The following PTPRT variants were observed in gnomAD, a reference collection of about 807,000 sequenced individuals.
PTPRT encodes receptor-type tyrosine-protein phosphatase T.
A neutral mutation model predicts 176.8 loss-of-function variants in PTPRT; 56 were observed. The observed-to-expected ratio is 0.32, with a 90% CI of 0.26 to 0.40. The LOEUF (loss-of-function observed/expected upper bound fraction) is 0.40. PTPRT is among the 10% of genes least tolerant of loss of function. PTPRT has a pLI of 1.00. For synonymous variants in PTPRT, 783 were observed against 739.0 expected, an observed-to-expected ratio of 1.06 and a Z score of -0.96; for missense variants, 1,540 against 1,908.2, an observed-to-expected ratio of 0.81 and a Z score of 3.60.
chr20:42,718,099 A>T (rs180865089), intron 6 of PTPRT, among the ~76,000 whole-genome samples: 21 of 152,368 alleles, frequency 1.4e-4, no homozygotes, highest in African/African-American at 4.3e-4. Flanking sequence ...TCCAAGAGAA[A>T]TGGAGTCCAA....
At chr20:42,534,461 G>A (rs543892234) in intron 7 of PTPRT, among the ~76,000 whole-genome samples, 11 of 152,044 alleles carry the variant, frequency 7.2e-5, no homozygotes, top group African/African-American at 1.9e-4. Context: ...GTGAAACCCC[G>A]TCTCTACTAA....
rs144472083 is a variant in PTPRT at position 42,440,367 on chromosome 20, T to C, written c.1560+7853A>G. Among the ~76,000 whole-genome samples, 21 of 152,264 alleles carry C rather than the reference T, an allele frequency of 1.4e-4. No individual in the cohort carries two copies. In the East Asian group the frequency reaches 4.1e-3, roughly 29 times the overall value. ...CTTGCTAGGATAGAGCACAAATCCA[T>C]ACATTTATCCAAAGAATATTTATTG... On this transcript the variant is annotated intron_variant, in intron 9 of 30. Transcript: ENST00000373187.
intron 17 of PTPRT, among the ~76,000 whole-genome samples, chr20:42,144,142 C>T (rs1988758493): frequency 6.6e-6 from 1 of 152,062 alleles, no homozygotes. Flanking sequence ...GCCATAGATC[C>T]TGACTGTGAA....
At position 42,434,691 on chromosome 20, in the gene PTPRT, G is replaced by A. The variant is rs375258864; in HGVS notation, c.1560+13529C>T. 1.3e-4 allele frequency among the ~76,000 whole-genome samples: 19 copies of A among 148,244 alleles called. No individual in the cohort carries two copies. In the East Asian group the frequency reaches 2.0e-3, roughly 15 times the overall value. ...AAAAAAAAAAAAGAGGCCAGGCACC[G>A]CGGCTCATGCCTGTAATCCCAGCAC... On this transcript the variant is annotated intron_variant, in intron 9 of 30. Coordinates refer to ENST00000373187, the MANE Select transcript of PTPRT (RefSeq NM_007050.6).
chr20:42,141,867 CT>C (rs1329676187), intron 18 of PTPRT, 47 bp downstream of exon 18: 5 of 1,509,876 alleles, frequency 3.3e-6, no homozygotes, highest in African/African-American at 1.4e-5. Context: ...CTCTTTTCCC[CT>C]GCATCCTCAA....
At chr20:42,699,288 T>C (rs1314339478) in intron 6 of PTPRT, among the ~76,000 whole-genome samples, 2 of 152,162 alleles carry the variant, frequency 1.3e-5, no homozygotes, top group Non-Finnish European at 2.9e-5. Flanking sequence ...TATGTGATCA[T>C]TTTGCACCTG....
intron 9 of PTPRT, among the ~76,000 whole-genome samples, chr20:42,413,693 CT>C (rs781226926): frequency 5.9e-5 from 9 of 152,134 alleles, no homozygotes; most frequent in Non-Finnish European, 1.2e-4. Context: ...ATTTCTGATC[CT>C]ACTGGTTTAT....
intron 1 of PTPRT, among the ~76,000 whole-genome samples, chr20:43,145,570 T>C (rs2146409184): frequency 6.6e-6 from 1 of 152,350 alleles, no homozygotes; most frequent in African/African-American, 2.4e-5. Context: ...CAGGAGTTTC[T>C]TATCAAGACA....
chr20:42,263,364 T>C (rs1216011355), intron 13 of PTPRT, among the ~76,000 whole-genome samples: 1 of 142,280 alleles, frequency 7.0e-6, no homozygotes, highest in Non-Finnish European at 1.5e-5. Flanking sequence ...TGCGCTGCCA[T>C]GCCTGGCTTT....
At chr20:42,877,517 G>A (rs139147373) in intron 2 of PTPRT, among the ~76,000 whole-genome samples, 1 of 152,288 alleles carries the variant, frequency 6.6e-6, no homozygotes, top group Non-Finnish European at 1.5e-5. Flanking sequence ...TTACACAGAA[G>A]GGGAAATGAA....
At chr20:42,395,904 A>AAAGTCT (rs2058843931) in intron 9 of PTPRT, among the ~76,000 whole-genome samples, 1 of 152,070 alleles carries the variant, frequency 6.6e-6, no homozygotes, top group Non-Finnish European at 1.5e-5. Context: ...AAGGGTCCCA[A>AAAGTCT]AGCTTAGCAC....
At chr20:42,736,356 A>C (rs571239584) in intron 6 of PTPRT, among the ~76,000 whole-genome samples, 1 of 152,320 alleles carries the variant, frequency 6.6e-6, no homozygotes, top group Non-Finnish European at 1.5e-5. Context: ...AAAGGTCTGA[A>C]GGAAAAGATA....
intron 1 of PTPRT, among the ~76,000 whole-genome samples, chr20:43,160,612 C>G (rs1393841471): frequency 6.6e-6 from 1 of 152,036 alleles, no homozygotes; most frequent in Non-Finnish European, 1.5e-5. Flanking sequence ...TGATATAAAG[C>G]CAGTCAACAG....
At chr20:42,851,702 T>C (rs2078474239) in intron 2 of PTPRT, among the ~76,000 whole-genome samples, 1 of 152,230 alleles carries the variant, frequency 6.6e-6, no homozygotes, top group South Asian at 2.1e-4. Flanking sequence ...ATATCGTCTC[T>C]TTTGCAACTA....
chr20:42,149,597 T>C (rs1989032577), intron 17 of PTPRT, among the ~76,000 whole-genome samples: 1 of 152,076 alleles, frequency 6.6e-6, no homozygotes, highest in East Asian at 1.9e-4. Context: ...CTAATTTTTG[T>C]ATTTTTAATA....
At chr20:43,058,912 G>A (rs547179950) in intron 1 of PTPRT, among the ~76,000 whole-genome samples, 42 of 152,286 alleles carry the variant, frequency 2.8e-4, no homozygotes, top group African/African-American at 9.6e-4. Context: ...GCTGCACTGG[G>A]GCCCACTGGA....
intron 3 of PTPRT, among the ~76,000 whole-genome samples, chr20:42,785,130 C>A (rs1398967203): frequency 1.3e-5 from 2 of 152,176 alleles, no homozygotes; most frequent in South Asian, 4.1e-4. Context: ...TAAATACACA[C>A]AATTAATATT....
chr20:42,326,000 C>T (rs2057876203), intron 11 of PTPRT, among the ~76,000 whole-genome samples: 1 of 152,182 alleles, frequency 6.6e-6, no homozygotes, highest in Admixed American at 6.5e-5. Flanking sequence ...TCACCTCTGC[C>T]AGGGAAGTCT....
Position 42,495,291 on chromosome 20 carries a change from G to A in PTPRT, c.1154-22729C>T, listed in dbSNP as rs141365391. Among the ~76,000 whole-genome samples, 400 of 152,286 alleles carry A rather than the reference G, an allele frequency of 2.6e-3. 2 individuals are homozygous for A. The highest frequency in any genetic ancestry group is 8.7e-3 in the African/African-American group (363 of 41,564). ...TAGGTCACTGGGTAAGCTGTGGTAGGTTCAGCACTTTAACTGGGCACCTAG... is the reference window on the plus strand; with the variant it reads ...TAGGTCACTGGGTAAGCTGTGGTAGATTCAGCACTTTAACTGGGCACCTAG... On this transcript the variant is annotated intron_variant, in intron 7 of 30. Transcript: ENST00000373187.
Sources: allele counts gnomAD v4.1 joint callset (sites outside exome capture counted in the v4.1 genomes callset), GRCh38; gene constraint gnomAD v4.1.1; transcripts MANE v1.5; gene names NCBI Gene and HGNC (gene_info 2026-07-23, HGNC 2026-07-21).